The following ARHGAP4 variants were observed in gnomAD, a reference collection of about 807,000 sequenced individuals.
ARHGAP4 encodes the protein Rho GTPase activating protein 4.
ARHGAP4 carries 25 observed loss-of-function variants against 67.6 expected under a neutral mutation model. That is an observed-to-expected ratio of 0.37 (90% CI 0.27 to 0.52). The LOEUF is 0.52. ARHGAP4 is among the 20% of genes least tolerant of loss of function. The pLI is 0.92. For missense variants in ARHGAP4, 804 were observed against 854.6 expected, an observed-to-expected ratio of 0.94 and a Z score of 0.74; for synonymous variants, 448 against 373.7, an observed-to-expected ratio of 1.20 and a Z score of -2.29.
At chrX:153,916,058 G>A (rs1411706655) in intron 7 of ARHGAP4, among the ~76,000 whole-genome samples, 1 of 111,650 alleles carries the variant, frequency 9.0e-6, no homozygotes, top group Non-Finnish European at 1.9e-5. Flanking sequence ...CAAGGCCACT[G>A]TGTGACCTTG....
chrX:153,920,372 G>C (rs868984900), intron 5 of ARHGAP4: 3 of 383,067 alleles, frequency 7.8e-6, no homozygotes, highest in Non-Finnish European at 1.3e-5. Flanking sequence ...GGAATGGCTG[G>C]CAGAACAGCA....
chrX:153,912,943 G>A, intron 11 of ARHGAP4, 81 bp downstream of exon 11: 3 of 1,141,208 alleles, frequency 2.6e-6, no homozygotes, highest in Non-Finnish European at 3.6e-6. Context: ...GAGGCCCAGG[G>A]GATTGGGCAG....
Position 153,910,757 on chromosome X carries a change from T to C in ARHGAP4, c.1759A>G (p.Ser587Gly), listed in dbSNP as rs782197747. 8.4e-7 allele frequency: 1 copy of C among 1,192,083 alleles called. No individual in the cohort carries two copies. The highest frequency in any genetic ancestry group is 1.9e-5 in the South Asian group (1 of 53,718). The change falls in exon 15 of 22, where the codon AGC (serine) becomes GGC (glycine). Residue 587 changes from serine to glycine, a missense_variant. Transcript: ENST00000350060. ...GGGGGGAAGAGTGGGGGCTCCAGGC[T>C]CCGGAAGTAGAGCTTCAGCACCCCG... is the stretch of plus-strand genomic sequence containing the variant. ...VAGVLKLYFR[S>G]LEPPLFPPDL...
At chrX:153,913,938 C>T in intron 7 of ARHGAP4, 59 bp from the exon 8 acceptor site, 1 of 1,072,390 alleles carries the variant, frequency 9.3e-7, no homozygotes, top group South Asian at 1.9e-5. Flanking sequence ...GTGCCAAGAT[C>T]CCCGGGGCAT....
In ARHGAP4 at chrX:153,909,020, A is replaced by T. The variant is rs782020117; in HGVS notation, c.2607+50T>A. 8 of 1,157,389 alleles carry T rather than the reference A, an allele frequency of 6.9e-6. No individual in the cohort carries two copies. In the South Asian group the frequency reaches 1.4e-4, roughly 21 times the overall value. On this transcript the variant is annotated intron_variant, in intron 21 of 21. Coordinates refer to ENST00000350060, the MANE Select transcript of ARHGAP4 (RefSeq NM_001666.5). ...AGGAGTTTGGCTTCCAAGGGGAGGC[A>T]GAGATCCCCCAGGACAGATGTCCCT...
In ARHGAP4 at chrX:153,921,711, G is replaced by A; in HGVS notation, c.166C>T (p.Arg56Cys). The part of the protein sequence containing the change: ...LQELAEFMRR[R>C]AEVELEYSRG... ...GAGTATTCCAGCTCCACCTCAGCGC[G>A]GCGCCGCATGAACTCTGCCAGCTCC... The change falls in exon 2 of 22, where the codon CGC becomes TGC. Residue 56 changes from arginine (R) to cysteine (C), a missense_variant. Transcript: ENST00000350060. 1 of 1,203,685 alleles carries A rather than the reference G, an allele frequency of 8.3e-7. No homozygotes were observed. The highest frequency in any genetic ancestry group is 2.2e-5 in the Admixed American group (1 of 45,463).
rs1055287340 is a variant in ARHGAP4, at chrX:153,907,612, G to T, written c.*117C>A. ...GGCCCCATCCCACCTCTCTGCACAG[G>T]GTGAAGTGCAGGCACCCTGCACTTG... On this transcript the variant is annotated 3_prime_UTR_variant, in exon 22 of 22. Coordinates refer to ENST00000350060, the MANE Select transcript of ARHGAP4 (RefSeq NM_001666.5). 1.5e-4 allele frequency: 55 copies of T among 367,780 alleles called. No individual in the cohort carries two copies. The highest frequency in any genetic ancestry group is 1.3e-3 in the African/African-American group (52 of 38,754). 30.3% of individuals were successfully genotyped at this position (367,780 alleles called of 1,213,427 possible).
At position 153,919,660 on chromosome X, in the gene ARHGAP4, G is replaced by T. The variant is rs782260338; in HGVS notation, c.682-377C>A. ...AGCACACAGGTGCACAGCTGGAAGC[G>T]GCCACAGGCCTCTGCGGGGGCCAGA... On this transcript the variant is annotated intron_variant, in intron 5 of 21. Coordinates refer to ENST00000350060, the MANE Select transcript of ARHGAP4 (RefSeq NM_001666.5). 106 of 1,164,264 alleles carry T rather than the reference G, an allele frequency of 9.1e-5. 1 individual carries two copies. The South Asian group carries it at 1.8e-3, about 20-fold the overall frequency.
chrX:153,911,113 G>A lies in ARHGAP4; in HGVS notation c.1603+16C>T. On this transcript the variant is annotated intron_variant, in intron 13 of 21. Coordinates refer to ENST00000350060, the MANE Select transcript of ARHGAP4 (RefSeq NM_001666.5). ...GCTGGGTGCCAGGACATCGGGAGGG[G>A]CTGGGTCCTGCTTACCATTGAGGTT... The A allele has an allele frequency of 1.2e-5, 14 of 1,168,275 alleles. No homozygotes were observed. Among genetic ancestry groups the A allele is most frequent in the Non-Finnish European group, 1.6e-5 (14 of 873,024 alleles).
chrX:153,919,544 GAC>G, intron 5 of ARHGAP4: 1 of 1,142,771 alleles, frequency 8.8e-7, no homozygotes, highest in Non-Finnish European at 1.2e-6. Flanking sequence ...AGTGGGGGAT[GAC>G]ACAGAACTAT....
chrX:153,916,443 A>G (rs1483132602), intron 7 of ARHGAP4, among the ~76,000 whole-genome samples: 1 of 113,017 alleles, frequency 8.8e-6, no homozygotes, highest in Non-Finnish European at 1.9e-5. Context: ...TGTTCCTGCT[A>G]GGCTTTGGCT....
intron 19 of ARHGAP4, 28 bp from the exon 20 acceptor site, chrX:153,909,563 G>A (rs373981376): frequency 2.4e-4 from 279 of 1,165,281 alleles, no homozygotes; most frequent in Non-Finnish European, 2.9e-4. Context: ...GGCCTGTTTC[G>A]AGTGCTCCTT....
At position 153,907,785 on chromosome X, in the gene ARHGAP4, C is replaced by A; in HGVS notation, c.2785G>T (p.Ala929Ser). ...TGGGGGTGGGAAGCTGAGGGTGAGG[C>A]TGGGGCCCCAGGGCCCCGGGAGAAG... ...KGFSRGPGAPASPSASHPQGL... is the reference protein window; with the variant it reads ...KGFSRGPGAPSSPSASHPQGL... Residue 929 changes from alanine (A) to serine (S), a missense_variant, in exon 22 of 22, where the codon GCC becomes TCC. By Grantham distance (99) the Ala-to-Ser change is moderately conservative. Transcript: ENST00000350060. 9.9e-7 allele frequency: 1 copy of A among 1,011,673 alleles called. No homozygotes were observed. The highest frequency in any genetic ancestry group is 4.1e-5 in the South Asian group (1 of 24,118). The allele number at this position is 1,011,673 out of a possible 1,213,427, so 83.4% of individuals were successfully genotyped here. A position where few individuals can be genotyped will look rare whatever the true frequency, so the allele number is the denominator to read the frequency against.
intron 1 of ARHGAP4, 113 bp downstream of exon 1, chrX:153,926,023 G>A (rs1326756956): frequency 1.9e-6 from 2 of 1,038,268 alleles, no homozygotes; most frequent in Non-Finnish European, 2.6e-6. Context: ...CCCCGCTCCA[G>A]AGGTCGCTGG....
At chrX:153,921,059 G>A in intron 4 of ARHGAP4, 38 bp downstream of exon 4, 2 of 1,180,830 alleles carry the variant, frequency 1.7e-6, no homozygotes, top group Non-Finnish European at 2.3e-6. Flanking sequence ...TTTCTCCCTG[G>A]ACCATTGGGG....
chrX:153,925,880 G>A (rs782126140), intron 1 of ARHGAP4, among the ~76,000 whole-genome samples: 10 of 113,083 alleles, frequency 8.8e-5, no homozygotes, highest in African/African-American at 1.9e-4. Flanking sequence ...TGAACCTTGG[G>A]TGAGAAGCGG....
At chrX:153,909,327 C>T in intron 20 of ARHGAP4, 116 bp downstream of exon 20, 1 of 885,999 alleles carries the variant, frequency 1.1e-6, no homozygotes, top group Non-Finnish European at 1.5e-6. Flanking sequence ...CTGGGTCATT[C>T]TGTCACGTCC....
chrX:153,925,330 C>G (rs1237919423), intron 1 of ARHGAP4, among the ~76,000 whole-genome samples: 1 of 112,114 alleles, frequency 8.9e-6, no homozygotes, highest in Non-Finnish European at 1.9e-5. Context: ...AGTTGCAGTG[C>G]TGTATGACCA....
In ARHGAP4 at chrX:153,909,543, G is replaced by A. The variant is rs1305051230; in HGVS notation, c.2415-8C>T. 6 of 1,195,026 alleles carry A rather than the reference G, an allele frequency of 5.0e-6. No individual in the cohort carries two copies. The highest frequency in any genetic ancestry group is 3.0e-5 in the East Asian group (1 of 33,531). On this transcript the variant is annotated splice_region_variant and splice_polypyrimidine_tract_variant and intron_variant, in intron 19 of 21. Transcript: ENST00000350060. ...ACCACCTGCTTCTCCGTCCTGCGGT[G>A]GGAAGGACCGGCCTGTTTCGAGTGC...
Sources: allele counts gnomAD v4.1 joint callset (sites outside exome capture counted in the v4.1 genomes callset), GRCh38; gene constraint gnomAD v4.1.1; transcripts MANE v1.5; gene names NCBI Gene and HGNC (gene_info 2026-07-23, HGNC 2026-07-21).